Variants in ULK2 observed in about 807,000 individuals in gnomAD.
ULK2 encodes unc-51 like autophagy activating kinase 2.
ULK2 carries 76 observed loss-of-function variants against 127.5 expected under a neutral mutation model. The observed-to-expected ratio is 0.60, with a 90% CI of 0.50 to 0.72. The LOEUF is 0.72. Ranked by LOEUF, ULK2 falls within the 30% of genes least tolerant of loss-of-function variation. The pLI, the probability that ULK2 is intolerant of heterozygous loss-of-function variation, is 0.00. For missense variants in ULK2, 1,144 were observed against 1,295.9 expected (o/e 0.88, Z 1.80); for synonymous variants, 452 against 461.9 (o/e 0.98, Z 0.28).
intron 8 of ULK2, among the ~76,000 whole-genome samples, chr17:19,842,190 CTTTTTT>C (rs869294657): frequency 5.4e-3 from 479 of 88,362 alleles, no homozygotes; most frequent in African/African-American, 0.02. Flanking sequence ...TTTTCTTTTT[CTTTTTT>C]TTTTTTTTTT....
chr17:19,812,146 G>A (rs1414764880), intron 13 of ULK2, among the ~76,000 whole-genome samples: 1 of 152,140 alleles, frequency 6.6e-6, no homozygotes, highest in Non-Finnish European at 1.5e-5. Flanking sequence ...GTAATCAGCA[G>A]TACCACATAC....
intron 25 of ULK2, among the ~76,000 whole-genome samples, chr17:19,779,369 T>G (rs908432283): frequency 1.3e-5 from 2 of 151,706 alleles, no homozygotes; most frequent in African/African-American, 4.8e-5. Flanking sequence ...CTGTCTCTAC[T>G]AAAAACACAA....
intron 3 of ULK2, among the ~76,000 whole-genome samples, chr17:19,852,302 A>T (rs2042034605): frequency 6.6e-6 from 1 of 151,832 alleles, no homozygotes; most frequent in East Asian, 2.0e-4. Flanking sequence ...CAGGCGGATC[A>T]CAAGGTCAGG....
At chr17:19,845,277 C>CA in intron 7 of ULK2, 27 bp downstream of exon 7, 1 of 1,593,256 alleles carries the variant, frequency 6.3e-7, no homozygotes, top group Non-Finnish European at 8.6e-7. Context: ...ATGCTTTAAA[C>CA]ACACAAGGAT....
intron 3 of ULK2, among the ~76,000 whole-genome samples, chr17:19,861,984 G>T (rs769142389): frequency 4.6e-5 from 7 of 152,098 alleles, no homozygotes; most frequent in Non-Finnish European, 1.0e-4. Flanking sequence ...CATGCTATTT[G>T]ACTTGGTCTT....
chr17:19,801,753 C>A (rs1201725860), intron 16 of ULK2, 24 bp downstream of exon 16: 5 of 1,606,926 alleles, frequency 3.1e-6, no homozygotes, highest in Non-Finnish European at 4.2e-6. Context: ...AGGTTGAAAA[C>A]AACTGTTTTT....
At chr17:19,805,419 T>C (rs2152387382) in intron 14 of ULK2, among the ~76,000 whole-genome samples, 1 of 152,288 alleles carries the variant, frequency 6.6e-6, no homozygotes, top group African/African-American at 2.4e-5. Flanking sequence ...TATACCACTT[T>C]CAATTCACTT....
chr17:19,862,270 T>A (rs2042258778), intron 3 of ULK2, among the ~76,000 whole-genome samples: 2 of 152,030 alleles, frequency 1.3e-5, no homozygotes, highest in South Asian at 4.2e-4. Flanking sequence ...CTGATTTTTT[T>A]ATTTTTAGCA....
At chr17:19,796,503 T>C (rs2087275695) in intron 18 of ULK2, among the ~76,000 whole-genome samples, 1 of 152,122 alleles carries the variant, frequency 6.6e-6, no homozygotes, top group Non-Finnish European at 1.5e-5. Context: ...ATCTGGTTCC[T>C]GAAAGCTTAG....
At chr17:19,861,992 C>G (rs549161253) in intron 3 of ULK2, among the ~76,000 whole-genome samples, 5 of 152,158 alleles carry the variant, frequency 3.3e-5, no homozygotes, top group Non-Finnish European at 5.9e-5. Flanking sequence ...TTGACTTGGT[C>G]TTTCCAATTC....
chr17:19,855,004 G>A (rs2042093623), intron 3 of ULK2, among the ~76,000 whole-genome samples: 2 of 151,678 alleles, frequency 1.3e-5, no homozygotes, highest in Non-Finnish European at 2.9e-5. Flanking sequence ...GGAGGCTGAG[G>A]CAGTAGAATT....
chr17:19,773,557 T>C lies in ULK2; in HGVS notation c.*2792A>G, dbSNP rs75745006. 1.6e-3 allele frequency: 243 copies of C among 152,320 alleles called. 1 individual carries two copies. Among genetic ancestry groups the C allele is most frequent in the Non-Finnish European group, 2.9e-3 (198 of 68,036 alleles). The allele number at this position is 152,320 out of a possible 1,614,324, so 9.4% of individuals were successfully genotyped here. ...CAACTAAAGTTATCAAAATTGGGTG[T>C]TGTAATTTTTAACTTGATATTCCCA... On this transcript the variant is annotated 3_prime_UTR_variant, in exon 27 of 27. Coordinates refer to ENST00000395544, the MANE Select transcript of ULK2 (RefSeq NM_014683.4).
chr17:19,853,866 C>T (rs1196418928), intron 3 of ULK2, among the ~76,000 whole-genome samples: 1 of 151,650 alleles, frequency 6.6e-6, no homozygotes, highest in Non-Finnish European at 1.5e-5. Context: ...CCACCACGCC[C>T]GGCCAAGGCC....
chr17:19,776,374 A>T lies in ULK2; in HGVS notation c.3086T>A (p.Leu1029His). 1 of 1,605,828 alleles carries T rather than the reference A, an allele frequency of 6.2e-7. No homozygotes were observed. The highest frequency in any genetic ancestry group is 8.5e-7 in the Non-Finnish European group (1 of 1,176,374). ...KCSIERRLSA[L>H]CHSTATV ...TCACACGGTTGCGGTGCTATGGCAG[A>T]GCGCCGACAGTCTTCTCTCAATACT... The change falls in exon 27 of 27, where the codon CTC becomes CAC. Residue 1029 changes from leucine to histidine, a missense_variant. Physicochemically the swap from Leu to His is moderately conservative, Grantham distance 99 (BLOSUM62 -3). Coordinates refer to ENST00000395544, the MANE Select transcript of ULK2 (RefSeq NM_014683.4).
intron 13 of ULK2, chr17:19,811,315 A>G: frequency 6.6e-6 from 1 of 152,178 alleles, no homozygotes; most frequent in Non-Finnish European, 1.5e-5. Context: ...AACCATACAT[A>G]ATTTTCAAAC....
chr17:19,776,984 C>T (rs1231905547), intron 26 of ULK2, among the ~76,000 whole-genome samples: 1 of 152,208 alleles, frequency 6.6e-6, no homozygotes, highest in Non-Finnish European at 1.5e-5. Flanking sequence ...CTGTAATCCT[C>T]ACAACAACCC....
At chr17:19,834,139 G>A (rs1349303070) in intron 10 of ULK2, among the ~76,000 whole-genome samples, 1 of 151,928 alleles carries the variant, frequency 6.6e-6, no homozygotes, top group African/African-American at 2.4e-5. Context: ...AACAATGGAG[G>A]AGGCCAGAAA....
intron 10 of ULK2, 91 bp downstream of exon 10, chr17:19,838,410 C>G: frequency 8.6e-7 from 1 of 1,163,546 alleles, no homozygotes; most frequent in African/African-American, 1.6e-5. Flanking sequence ...GTGAAACTGA[C>G]TTTAATTTTC....
rs1458460575 is a variant in ULK2 at position 19,845,307 on chromosome 17, G to A, written c.540C>T (p.Tyr180=). 1 of 1,613,172 alleles carries A rather than the reference G, an allele frequency of 6.2e-7. No homozygotes were observed. The highest frequency in any genetic ancestry group is 2.2e-5 in the East Asian group (1 of 44,830). ...AAGGATGCAAACACTCACTCACCATGTACATCGGGGATCCACACAGTGTTG... is the reference window on the plus strand; with the variant it reads ...AAGGATGCAAACACTCACTCACCATATACATCGGGGATCCACACAGTGTTG... The part of the protein sequence containing the change: ...MAATLCGSPM[Y]MAPEVIMSQH... The change falls in exon 7 of 27, where the codon TAC becomes TAT. Residue 180 remains tyrosine (Y), a synonymous_variant. Coordinates refer to ENST00000395544, the MANE Select transcript of ULK2 (RefSeq NM_014683.4).
Sources: gnomAD v4.1 joint callset for allele counts (sites outside exome capture counted in the v4.1 genomes callset) on GRCh38, gnomAD v4.1.1 for gene constraint, MANE v1.5 for transcripts, NCBI Gene and HGNC (gene_info 2026-07-23, HGNC 2026-07-21) for gene names.